Variants in CCSER2 observed in about 807,000 individuals in gnomAD.
CCSER2 encodes the protein serine-rich coiled-coil domain-containing protein 2.
A neutral mutation model predicts 92.3 loss-of-function variants in CCSER2; 46 were observed. The ratio of observed to expected loss-of-function variants is 0.50; its 90% CI spans 0.39 to 0.64. CCSER2 has a LOEUF of 0.64. Among genes scored for constraint, CCSER2 ranks in the 30% least tolerant of loss-of-function variants. The pLI, the probability that CCSER2 is intolerant of heterozygous loss-of-function variation, is 0.00. For synonymous variants in CCSER2, 433 were observed against 431.4 expected, an observed-to-expected ratio of 1.00 and a Z score of -0.04; for missense variants, 1,244 against 1,238.9, an observed-to-expected ratio of 1.00 and a Z score of -0.06.
intron 6 of CCSER2, among the ~76,000 whole-genome samples, chr10:84,451,979 A>G (rs1187923914): frequency 1.3e-5 from 2 of 152,214 alleles, no homozygotes; most frequent in African/African-American, 4.8e-5. Flanking sequence ...TTTGTAGTGC[A>G]CATTCTGGAC....
At chr10:84,491,408 A>G (rs1848157310) in intron 9 of CCSER2, among the ~76,000 whole-genome samples, 1 of 152,080 alleles carries the variant, frequency 6.6e-6, no homozygotes, top group Non-Finnish European at 1.5e-5. Context: ...CTTCCCGGCC[A>G]CTTTCTTTAC....
intron 1 of CCSER2, among the ~76,000 whole-genome samples, chr10:84,351,140 CTG>C (rs890156516): frequency 5.9e-5 from 9 of 152,048 alleles, no homozygotes; most frequent in Non-Finnish European, 7.4e-5. Flanking sequence ...ATAGCTGACT[CTG>C]TGTGTGTAGA....
intron 3 of CCSER2, among the ~76,000 whole-genome samples, chr10:84,407,239 A>G (rs1055173945): frequency 1.3e-5 from 2 of 152,206 alleles, no homozygotes; most frequent in Non-Finnish European, 2.9e-5. Context: ...ATTCTTTTAC[A>G]TTCTACCAGA....
intron 3 of CCSER2, among the ~76,000 whole-genome samples, chr10:84,400,462 C>T (rs898901284): frequency 6.6e-6 from 1 of 152,154 alleles, no homozygotes; most frequent in Admixed American, 6.5e-5. Context: ...TGAGCCACCG[C>T]ACCCAGCCTC....
chr10:84,473,544 ATCAC>A, intron 8 of CCSER2, among the ~76,000 whole-genome samples: 1 of 152,286 alleles, frequency 6.6e-6, no homozygotes, highest in Non-Finnish European at 1.5e-5. Flanking sequence ...AAAATTAGAA[ATCAC>A]TCAAAGATTT....
intron 9 of CCSER2, among the ~76,000 whole-genome samples, chr10:84,501,834 A>ATATATATATATATATATATATATACTCAT (rs1554868294): frequency 5.0e-5 from 2 of 40,152 alleles, no homozygotes; most frequent in South Asian, 9.7e-4. Context: ...AAAAAAAAAA[A>ATATATATATATATATATATATATACTCAT]ATATATATAT....
chr10:84,374,886 C>A (rs756062544), intron 3 of CCSER2, among the ~76,000 whole-genome samples: 3 of 152,134 alleles, frequency 2.0e-5, no homozygotes, highest in Admixed American at 1.3e-4. Context: ...CTCCTATAAA[C>A]CTTTTACTTA....
rs1227977028 is a variant in CCSER2 at position 84,385,278 on chromosome 10, A to G, written c.1614+11463A>G. Among the ~76,000 whole-genome samples, 7 of 152,294 alleles carry G rather than the reference A, an allele frequency of 4.6e-5. 1 individual carries two copies. The South Asian group carries it at 8.3e-4, about 18-fold the overall frequency. ...AATCCTAAAATTCAAGTGGAACCAAAAAAACACCCCAAACAGCCAAAACAA... is the reference window on the plus strand; with the variant it reads ...AATCCTAAAATTCAAGTGGAACCAAGAAAACACCCCAAACAGCCAAAACAA... On this transcript the variant is annotated intron_variant, in intron 3 of 9. Transcript: ENST00000372088.
At chr10:84,455,038 G>A (rs1016598587) in intron 6 of CCSER2, among the ~76,000 whole-genome samples, 1 of 152,134 alleles carries the variant, frequency 6.6e-6, no homozygotes, top group Non-Finnish European at 1.5e-5. Flanking sequence ...CAGTTCCCCT[G>A]CACATGCTCT....
In CCSER2 at chr10:84,398,035, CTGTT is replaced by C. The variant is rs550832361; in HGVS notation, c.1615-19731_1615-19728del. ...AAATACAATGGCTTAAAACAACACA[CTGTT>C]TGTTATCTTACTATCCTCTCTAGCT... On this transcript the variant is annotated intron_variant, in intron 3 of 9. Coordinates refer to ENST00000372088, the MANE Select transcript of CCSER2 (RefSeq NM_001284240.2). Among the ~76,000 whole-genome samples, 28 of 152,316 alleles carry C rather than the reference CTGTT, an allele frequency of 1.8e-4. No individual in the cohort carries two copies. In the South Asian group the frequency reaches 3.5e-3, roughly 19 times the overall value.
chr10:84,505,126 A>G (rs1848974195), intron 9 of CCSER2, among the ~76,000 whole-genome samples: 1 of 152,144 alleles, frequency 6.6e-6, no homozygotes, highest in South Asian at 2.1e-4. Context: ...ACATAGTATC[A>G]TTTTATATAT....
chr10:84,379,997 A>G (rs148644248), intron 3 of CCSER2, among the ~76,000 whole-genome samples: 21 of 152,286 alleles, frequency 1.4e-4, no homozygotes, highest in African/African-American at 5.1e-4. Flanking sequence ...TTTCTTTAGG[A>G]TATAAACCTA....
chr10:84,372,203 A>G lies in CCSER2; in HGVS notation c.1151A>G (p.Asp384Gly), dbSNP rs745972051. The G allele has an allele frequency of 2.5e-6, 4 of 1,613,534 alleles. No homozygotes were observed. The Admixed American group carries it at 5.0e-5, about 20-fold the overall frequency. The change falls in exon 2 of 10, where the codon GAT (aspartate) becomes GGT (glycine). Residue 384 changes from aspartate (D) to glycine (G), a missense_variant. Physicochemically the swap from Asp to Gly is moderately conservative, Grantham distance 94. Transcript: ENST00000372088. Reference sequence around the variant, plus strand: ...AAAAACAACCAGACCATGAAACATGATGCTAAAATGAGATACCTGAGTGAT... The same window carrying G: ...AAAAACAACCAGACCATGAAACATGGTGCTAAAATGAGATACCTGAGTGAT... Reference protein sequence around the residue: ...RTKNNQTMKHDAKMRYLSDDV... With the variant: ...RTKNNQTMKHGAKMRYLSDDV...
chr10:84,338,422 A>C (rs1843970891), intron 1 of CCSER2, among the ~76,000 whole-genome samples: 1 of 152,110 alleles, frequency 6.6e-6, no homozygotes, highest in Non-Finnish European at 1.5e-5. Flanking sequence ...GCATAGTGAA[A>C]TTAGGGTCCC....
intron 3 of CCSER2, among the ~76,000 whole-genome samples, chr10:84,397,999 C>A (rs1488662801): frequency 6.6e-6 from 1 of 152,204 alleles, no homozygotes; most frequent in Non-Finnish European, 1.5e-5. Flanking sequence ...GCTGCTGTGA[C>A]AAATTACCAC....
At chr10:84,466,756 G>A (rs1446280046) in intron 7 of CCSER2, among the ~76,000 whole-genome samples, 2 of 151,212 alleles carry the variant, frequency 1.3e-5, no homozygotes, top group East Asian at 1.9e-4. Flanking sequence ...CTCGTGATCC[G>A]TCCGCCTCGG....
chr10:84,421,418 A>AG (rs1843143941), intron 4 of CCSER2, among the ~76,000 whole-genome samples: 1 of 152,240 alleles, frequency 6.6e-6, no homozygotes, highest in African/African-American at 2.4e-5. Flanking sequence ...TCATGCTGGA[A>AG]GGGGGAGCAA....
At chr10:84,428,686 TG>T (rs1328285917) in intron 5 of CCSER2, among the ~76,000 whole-genome samples, 2 of 135,128 alleles carry the variant, frequency 1.5e-5, no homozygotes, top group Non-Finnish European at 3.4e-5. Flanking sequence ...GTTTCTGATA[TG>T]GGGGGAAAAT....
chr10:84,395,841 GC>G (rs1308606867), intron 3 of CCSER2, among the ~76,000 whole-genome samples: 2 of 152,156 alleles, frequency 1.3e-5, no homozygotes, highest in African/African-American at 4.8e-5. Context: ...CCCTGCCCTA[GC>G]CCTTGAGTCA....
Sources: gnomAD v4.1 joint callset for allele counts (sites outside exome capture counted in the v4.1 genomes callset) on GRCh38, gnomAD v4.1.1 for gene constraint, MANE v1.5 for transcripts, NCBI Gene and HGNC (gene_info 2026-07-23, HGNC 2026-07-21) for gene names.